Variants in DNM1 observed in about 807,000 individuals in gnomAD.
The protein encoded by DNM1 is dynamin-1.
DNM1 carries 29 observed loss-of-function variants against 104.6 expected under a neutral mutation model. That is an observed-to-expected ratio of 0.28 (90% CI 0.21 to 0.38). DNM1 has a LOEUF of 0.38. DNM1 is among the 10% of genes least tolerant of loss of function. DNM1 has a pLI of 1.00. For synonymous variants in DNM1, 445 were observed against 475.8 expected, an observed-to-expected ratio of 0.94 and a Z score of 0.84; for missense variants, 640 against 1,189.4, an observed-to-expected ratio of 0.54 and a Z score of 6.79.
intron 10 of DNM1, chr9:128,232,169 C>G: frequency 7.4e-6 from 3 of 404,922 alleles, no homozygotes; most frequent in South Asian, 5.4e-5. Flanking sequence ...TTGCGCCCTC[C>G]TCCTCCCTCC....
chr9:128,203,593 C>A lies in DNM1; in HGVS notation c.123C>A (p.Ser41Arg). 1 of 1,550,814 alleles carries A rather than the reference C, an allele frequency of 6.4e-7. No homozygotes were observed. Among genetic ancestry groups the A allele is most frequent in the South Asian group, 1.2e-5 (1 of 85,232 alleles). ...AGATCGCTGTGGTGGGCGGCCAGAG[C>A]GCCGGCAAGAGCTCGGTGCTCGAGA... ...LPQIAVVGGQ[S>R]AGKSSVLENF... Residue 41 changes from serine (S) to arginine (R), a missense_variant, in exon 1 of 22, where the codon AGC becomes AGA. By Grantham distance (110) the Ser-to-Arg change is moderately radical. Coordinates refer to ENST00000372923, the MANE Select transcript of DNM1 (RefSeq NM_004408.4). This position sits in a 1 kb window ranked among gnomAD's most constrained non-coding sequence, Gnocchi z 5.3.
chr9:128,223,013 C>A (rs573083404), intron 9 of DNM1, 153 bp downstream of exon 9: 4 of 748,506 alleles, frequency 5.3e-6, no homozygotes, highest in South Asian at 3.5e-5. Context: ...CCCTGCATGA[C>A]AGGCTCCAGC....
chr9:128,249,296 G>A (rs891143961), intron 19 of DNM1, among the ~76,000 whole-genome samples: 31 of 151,690 alleles, frequency 2.0e-4, no homozygotes, highest in African/African-American at 7.3e-4. Context: ...GATCACTTGA[G>A]CCCAGGAGTT....
At chr9:128,225,899 G>T (rs1564335458) in intron 10 of DNM1, 1 of 735,728 alleles carries the variant, frequency 1.4e-6, no homozygotes, top group East Asian at 2.6e-5. Flanking sequence ...TATCTGTGTC[G>T]ATGTCTCTCT....
chr9:128,227,490 T>G (rs556406201), intron 10 of DNM1, among the ~76,000 whole-genome samples: 2 of 147,048 alleles, frequency 1.4e-5, no homozygotes, highest in African/African-American at 2.5e-5. Context: ...CAAGTGGTAC[T>G]TCCACCTCAG....
At chr9:128,215,828 ACTACT>A (rs1395274054) in intron 1 of DNM1, among the ~76,000 whole-genome samples, 3 of 152,124 alleles carry the variant, frequency 2.0e-5, no homozygotes, top group Non-Finnish European at 4.4e-5. Context: ...TTCCATGGCA[ACTACT>A]GTTGCCATGG....
At chr9:128,221,019 CTTTCT>C (rs1834981215) in intron 6 of DNM1, 6 of 142,250 alleles carry the variant, frequency 4.2e-5, no homozygotes, top group African/African-American at 1.6e-4. Context: ...TCCTTCCTTT[CTTTCT>C]CTTTCTTTCT....
intron 15 of DNM1, chr9:128,244,829 G>T: frequency 1.9e-6 from 1 of 531,786 alleles, no homozygotes; most frequent in Non-Finnish European, 3.9e-6. Flanking sequence ...GGTGTCCTCT[G>T]GTCCATCCAG....
Position 128,218,800 on chromosome 9 carries a change from C to A in DNM1, c.385+69C>A. The A allele has an allele frequency of 6.7e-7, 1 of 1,502,690 alleles. No individual in the cohort carries two copies. The highest frequency in any genetic ancestry group is 8.9e-7 in the Non-Finnish European group (1 of 1,121,880). 93.1% of individuals were successfully genotyped at this position (1,502,690 alleles called of 1,614,324 possible). On this transcript the variant is annotated intron_variant, in intron 3 of 21. Coordinates refer to ENST00000372923, the MANE Select transcript of DNM1 (RefSeq NM_004408.4). This position sits in a 1 kb window ranked among gnomAD's most constrained non-coding sequence, Gnocchi z 4.8. ...TGGCCACGCACCTCTGCGTGCCTCG[C>A]TCCTCCTGCAGACTCCGCCCCTAGA...
At chr9:128,242,813 C>A (rs988568201) in intron 15 of DNM1, among the ~76,000 whole-genome samples, 2 of 152,086 alleles carry the variant, frequency 1.3e-5, no homozygotes, top group African/African-American at 2.4e-5. Context: ...AGGCAGGTGA[C>A]CCTGGGGGTT....
At position 128,248,514 on chromosome 9, in the gene DNM1, G is replaced by A; in HGVS notation, c.1906-69G>A. 1 of 1,573,082 alleles carries A rather than the reference G, an allele frequency of 6.4e-7. No homozygotes were observed. Among genetic ancestry groups the A allele is most frequent in the South Asian group, 1.2e-5 (1 of 86,442 alleles). ...TTCTGGGTACCCTTGGAGGGGCTGA[G>A]ATCCTGGGGATGCCTGGAGCCTGGC... On this transcript the variant is annotated intron_variant, in intron 18 of 21. Coordinates refer to ENST00000372923, the MANE Select transcript of DNM1 (RefSeq NM_004408.4). The surrounding 1 kb of genome is among the most constrained non-coding windows in gnomAD (Gnocchi z 5.6).
rs370595772 is a variant in DNM1, at chr9:128,253,170, C to T, written c.2535-1484C>T. The T allele has an allele frequency of 1.8e-5, 28 of 1,597,562 alleles. No homozygotes were observed. The highest frequency in any genetic ancestry group is 6.7e-5 in the Admixed American group (4 of 59,934). On this transcript the variant is annotated intron_variant, in intron 21 of 21. Coordinates refer to ENST00000372923, the MANE Select transcript of DNM1 (RefSeq NM_004408.4). This position sits in a 1 kb window ranked among gnomAD's most constrained non-coding sequence, Gnocchi z 5.9. The stretch of plus-strand genomic sequence containing the variant: ...CATGCCTCACCGCCTGCTGCATGAA[C>T]GGTGTGTCTGCCCCGCTGCACTAGC...
rs565918705 is a variant in DNM1, at chr9:128,232,185, C to T, written c.1336-1836C>T. On this transcript the variant is annotated intron_variant, in intron 10 of 21. Coordinates refer to ENST00000372923, the MANE Select transcript of DNM1 (RefSeq NM_004408.4). ...TGCGCCCTCCTCCTCCCTCCTTCTC[C>T]CTGCTCCTCCAAACTCTACCCTGGG... 604 of 395,006 alleles carry T rather than the reference C, an allele frequency of 1.5e-3. 10 individuals are homozygous for T. Among genetic ancestry groups the T allele is most frequent in the Middle Eastern group, 0.014 (32 of 2,290 alleles). 24.5% of individuals were successfully genotyped at this position (395,006 alleles called of 1,614,324 possible).
intron 11 of DNM1, 53 bp from the exon 12 acceptor site, chr9:128,239,392 T>G: frequency 6.9e-7 from 1 of 1,442,048 alleles, no homozygotes; most frequent in Non-Finnish European, 9.8e-7. Context: ...CCCTGCATTT[T>G]AAAACTTTGT....
At position 128,227,054 on chromosome 9, in the gene DNM1, G is replaced by A. The variant is rs193174642; in HGVS notation, c.1335+2665G>A. On this transcript the variant is annotated intron_variant, in intron 10 of 21. Transcript: ENST00000372923. The stretch of plus-strand genomic sequence containing the variant: ...TTTTGAGATGGAATCTTGCTCTGTC[G>A]CCCAGGCTGGAGTGCAGTGGCACCA... Among the ~76,000 whole-genome samples the A allele has an allele frequency of 3.0e-3, 368 of 124,568 alleles. 2 individuals carry two copies. Among genetic ancestry groups the A allele is most frequent in the African/African-American group, 0.011 (352 of 31,490 alleles). 81.7% of individuals were successfully genotyped at this position (124,568 alleles called of 152,430 possible). A position where few individuals can be genotyped will look rare whatever the true frequency, so the allele number is the denominator to read the frequency against.
rs1836771757 is a variant in DNM1, at chr9:128,245,898, G to A, written c.1672-496G>A. ...AACTACACACATGTTGCACACACAG[G>A]CACACCATCTCCAGGCTTGTGCTGG... On this transcript the variant is annotated intron_variant, in intron 15 of 21. Transcript: ENST00000372923. The surrounding 1 kb of genome is among the most constrained non-coding windows in gnomAD (Gnocchi z 5.2). Among the ~76,000 whole-genome samples the A allele has an allele frequency of 6.6e-6, 1 of 152,230 alleles. No individual in the cohort carries two copies. Among genetic ancestry groups the A allele is most frequent in the Non-Finnish European group, 1.5e-5 (1 of 68,036 alleles).
Position 128,250,159 on chromosome 9 carries a change from G to T in DNM1, c.2121G>T (p.Ser707=). 6.2e-7 allele frequency: 1 copy of T among 1,614,204 alleles called. No individual in the cohort carries two copies. The highest frequency in any genetic ancestry group is 1.1e-5 in the South Asian group (1 of 91,086). Residue 707 remains serine, a synonymous_variant, in exon 20 of 22, where the codon TCG becomes TCT. Coordinates refer to ENST00000372923, the MANE Select transcript of DNM1 (RefSeq NM_004408.4). The part of the protein sequence containing the change: ...IFSELLANLY[S]CGDQNTLMEE... ...CGGAGCTGCTGGCCAACCTGTACTC[G>T]TGTGGGGACCAGAACACGCTGATGG... is the stretch of plus-strand genomic sequence containing the variant.
chr9:128,210,962 A>G (rs1388918763), intron 1 of DNM1, among the ~76,000 whole-genome samples: 1 of 130,558 alleles, frequency 7.7e-6, no homozygotes, highest in Non-Finnish European at 1.8e-5. Flanking sequence ...TAGAATTACT[A>G]TAAGCAACAG....
rs1379852223 is a variant in DNM1 at position 128,222,717 on chromosome 9, G to T, written c.1129-76G>T. 1.1e-5 allele frequency: 17 copies of T among 1,596,344 alleles called. No homozygotes were observed. The East Asian group carries it at 3.6e-4, about 34-fold the overall frequency. On this transcript the variant is annotated intron_variant, in intron 8 of 21. Transcript: ENST00000372923. The surrounding 1 kb of genome is among the most constrained non-coding windows in gnomAD (Gnocchi z 7.8). ...CAGGCCCTGATGCCCAGCCCTAGGT[G>T]TGGGGTGGGCCCTGTCTTGACCTCC...
Sources: allele counts gnomAD v4.1 joint callset (sites outside exome capture counted in the v4.1 genomes callset), GRCh38; gene constraint gnomAD v4.1.1; non-coding constraint Gnocchi (gnomAD v3.1); transcripts MANE v1.5; gene names NCBI Gene and HGNC (gene_info 2026-07-23, HGNC 2026-07-21).